Variants in FLI1 observed in about 807,000 individuals in gnomAD.
FLI1 encodes Fli-1 proto-oncogene, ETS transcription factor.
FLI1 carries 13 observed loss-of-function variants against 53.1 expected under a neutral mutation model. That is an observed-to-expected ratio of 0.24 (90% CI 0.16 to 0.39). The LOEUF (loss-of-function observed/expected upper bound fraction) is 0.39. Among genes scored for constraint, FLI1 ranks in the 10% least tolerant of loss-of-function variants. The pLI is 1.00. For missense variants in FLI1, 424 were observed against 600.5 expected, an observed-to-expected ratio of 0.71 and a Z score of 3.07; for synonymous variants, 244 against 236.7, an observed-to-expected ratio of 1.03 and a Z score of -0.28.
chr11:128,779,411 C>T (rs889068769), intron 4 of FLI1, among the ~76,000 whole-genome samples: 3 of 152,106 alleles, frequency 2.0e-5, no homozygotes, highest in African/African-American at 2.4e-5. Flanking sequence ...TCCTTCCAGT[C>T]GTGCCGGATT....
chr11:128,739,159 A>G (rs1264127787), intron 1 of FLI1, among the ~76,000 whole-genome samples: 1 of 152,102 alleles, frequency 6.6e-6, no homozygotes, highest in Middle Eastern at 3.2e-3. Context: ...TGCTCTGAGG[A>G]GACAGGCAGG....
chr11:128,730,891 C>T (rs1939669802), intron 1 of FLI1, among the ~76,000 whole-genome samples: 1 of 152,160 alleles, frequency 6.6e-6, no homozygotes, highest in Non-Finnish European at 1.5e-5. Flanking sequence ...CTGAATGTGT[C>T]CGGAAATCTT....
intron 1 of FLI1, among the ~76,000 whole-genome samples, chr11:128,733,256 A>C (rs1016318583): frequency 6.6e-6 from 1 of 152,128 alleles, no homozygotes; most frequent in East Asian, 1.9e-4. Flanking sequence ...AGTGTAAAGA[A>C]TGCTGATTCC....
chr11:128,807,205 G>C lies in FLI1; in HGVS notation c.747G>C (p.Thr249=), dbSNP rs200640652. Reference sequence around the variant, plus strand: ...GTCCTCCCCTTGGAGGGGCACAAACGATCAGTAAGAATACAGAGCAACGGC... The same window carrying C: ...GTCCTCCCCTTGGAGGGGCACAAACCATCAGTAAGAATACAGAGCAACGGC... ...NKSPPLGGAQ[T]ISKNTEQRPQ... Residue 249 remains threonine, a synonymous_variant, in exon 7 of 9, where the codon ACG becomes ACC. Transcript: ENST00000527786. 470 of 1,600,056 alleles carry C rather than the reference G, an allele frequency of 2.9e-4. 3 individuals carry two copies. The highest frequency in any genetic ancestry group is 2.1e-3 in the East Asian group (93 of 44,040).
rs149196347 is a variant in FLI1, at chr11:128,805,465, G to A, written c.721+34G>A. The A allele has an allele frequency of 3.7e-4, 496 of 1,338,336 alleles. 5 individuals are homozygous for A. The East Asian group carries it at 0.012, about 32-fold the overall frequency. 82.9% of individuals were successfully genotyped at this position (1,338,336 alleles called of 1,614,324 possible). ...ATGTTTTATAGTTCTTTGGAGGAAA[G>A]CATGTTTCTGAGGACAGGATTGGAG... On this transcript the variant is annotated intron_variant, in intron 6 of 8. Transcript: ENST00000527786.
At chr11:128,697,090 A>T (rs1221958022) in intron 1 of FLI1, among the ~76,000 whole-genome samples, 1 of 152,142 alleles carries the variant, frequency 6.6e-6, no homozygotes, top group African/African-American at 2.4e-5. Flanking sequence ...AGACAGGTTA[A>T]CTTGCAGTAT....
intron 1 of FLI1, among the ~76,000 whole-genome samples, chr11:128,754,903 A>C (rs932705857): frequency 1.3e-5 from 2 of 152,228 alleles, no homozygotes; most frequent in East Asian, 3.8e-4. Context: ...ATTGTGAACT[A>C]CATTCTTAAG....
At chr11:128,784,268 C>G (rs112451680) in intron 5 of FLI1, among the ~76,000 whole-genome samples, 7,601 of 130,052 alleles carry the variant, frequency 0.058, 937 homozygotes, top group African/African-American at 0.21. Context: ...TCCTCCTCCT[C>G]CTGCTGTCTT....
intron 7 of FLI1, among the ~76,000 whole-genome samples, chr11:128,808,256 A>G (rs1942837826): frequency 6.6e-6 from 1 of 152,236 alleles, no homozygotes; most frequent in Non-Finnish European, 1.5e-5. Context: ...TTATGGTTCT[A>G]AGTAGAAACC....
At chr11:128,795,964 C>T (rs1418822277) in intron 5 of FLI1, among the ~76,000 whole-genome samples, 3 of 152,214 alleles carry the variant, frequency 2.0e-5, no homozygotes, top group Non-Finnish European at 4.4e-5. Context: ...ACACCACTCT[C>T]TCCCGCCCCT....
intron 1 of FLI1, among the ~76,000 whole-genome samples, chr11:128,707,676 A>G (rs1330093971): frequency 6.6e-6 from 1 of 152,100 alleles, no homozygotes; most frequent in African/African-American, 2.4e-5. Context: ...TTGCCCCCTG[A>G]GTTTTGTAGA....
intron 1 of FLI1, among the ~76,000 whole-genome samples, chr11:128,738,458 C>T (rs150944762): frequency 1.1e-4 from 17 of 152,374 alleles, no homozygotes; most frequent in African/African-American, 4.1e-4. Context: ...TCTCCAAATG[C>T]TTCCAGGTGG....
intron 5 of FLI1, among the ~76,000 whole-genome samples, chr11:128,799,761 A>G (rs934327487): frequency 1.3e-5 from 2 of 152,138 alleles, no homozygotes; most frequent in Non-Finnish European, 2.9e-5. Context: ...GTGGGTTGGG[A>G]AGGTTCGGGC....
chr11:128,694,136 C>G lies in FLI1; in HGVS notation c.-123C>G. On this transcript the variant is annotated 5_prime_UTR_variant, in exon 1 of 9. Transcript: ENST00000527786. Reference sequence around the variant, plus strand: ...GTGAGGGCAGGGCGCTCGCAGGGGGCACGCAGGGAGGGCCCAGGGCGCCAG... The same window carrying G: ...GTGAGGGCAGGGCGCTCGCAGGGGGGACGCAGGGAGGGCCCAGGGCGCCAG... 2 of 1,044,934 alleles carry G rather than the reference C, an allele frequency of 1.9e-6. No homozygotes were observed. The highest frequency in any genetic ancestry group is 1.7e-5 in the African/African-American group (1 of 59,644). 64.7% of individuals were successfully genotyped at this position (1,044,934 alleles called of 1,614,324 possible). A position where few individuals can be genotyped will look rare whatever the true frequency, so the allele number is the denominator to read the frequency against.
At chr11:128,777,341 G>GA (rs35403129) in intron 4 of FLI1, among the ~76,000 whole-genome samples, 2,359 of 151,366 alleles carry the variant, frequency 0.016, 50 homozygotes, top group African/African-American at 0.05. Context: ...GTCTGACCTG[G>GA]AAAAAAAAAC....
At chr11:128,794,868 G>A (rs1308672243) in intron 5 of FLI1, among the ~76,000 whole-genome samples, 2 of 152,152 alleles carry the variant, frequency 1.3e-5, no homozygotes, top group Non-Finnish European at 2.9e-5. Context: ...TTAAACTCAG[G>A]AGTTCAAGAT....
intron 1 of FLI1, among the ~76,000 whole-genome samples, chr11:128,733,624 G>T (rs938263243): frequency 2.6e-5 from 4 of 152,200 alleles, no homozygotes; most frequent in African/African-American, 9.7e-5. Flanking sequence ...AAGCTACAAA[G>T]ATCACATTCG....
At chr11:128,796,006 A>C (rs7110998) in intron 5 of FLI1, among the ~76,000 whole-genome samples, 15,429 of 152,224 alleles carry the variant, frequency 0.1, 941 homozygotes, top group East Asian at 0.27. Context: ...GAGAGGTTCA[A>C]TAAGAGGTTC....
At position 128,745,674 on chromosome 11, in the gene FLI1, G is replaced by A. The variant is rs943589096; in HGVS notation, c.19-12441G>A. On this transcript the variant is annotated intron_variant, in intron 1 of 8. Coordinates refer to ENST00000527786, the MANE Select transcript of FLI1 (RefSeq NM_002017.5). ...AGGAAACGAAATAAAATGGATGCAC[G>A]CCTCATCTGTGCGTCGAGTTGAAGC... 2.0e-5 allele frequency among the ~76,000 whole-genome samples: 3 copies of A among 152,208 alleles called. No individual in the cohort carries two copies. In the South Asian group the frequency reaches 6.2e-4, roughly 32 times the overall value.
Sources: allele counts gnomAD v4.1 joint callset (sites outside exome capture counted in the v4.1 genomes callset), GRCh38; gene constraint gnomAD v4.1.1; transcripts MANE v1.5; gene names NCBI Gene and HGNC (gene_info 2026-07-23, HGNC 2026-07-21).